KLF12: variants seen among roughly 807,000 people sequenced by gnomAD.
KLF12 encodes Krueppel-like factor 12.
KLF12 carries 9 observed loss-of-function variants against 37.8 expected under a neutral mutation model. That is an observed-to-expected ratio of 0.24 (90% CI 0.14 to 0.42). The LOEUF (loss-of-function observed/expected upper bound fraction) is 0.42, where lower values mean the gene tolerates loss of function less well. KLF12 is among the 10% of genes least tolerant of loss of function. The pLI is 1.00. For missense variants in KLF12, 411 were observed against 516.0 expected (o/e 0.80, Z 1.97); for synonymous variants, 208 against 202.1 (o/e 1.03, Z -0.25).
intron 2 of KLF12, among the ~76,000 whole-genome samples, chr13:73,988,290 T>C (rs745421796): frequency 3.9e-5 from 6 of 152,244 alleles, no homozygotes; most frequent in Admixed American, 6.5e-5. Flanking sequence ...CTAGCTCAAA[T>C]GTCACTTTAA....
intron 3 of KLF12, among the ~76,000 whole-genome samples, chr13:73,857,839 C>T (rs1251552427): frequency 6.6e-6 from 1 of 152,034 alleles, no homozygotes; most frequent in Non-Finnish European, 1.5e-5. Flanking sequence ...CAACAGTTTA[C>T]AAAGCATTAT....
chr13:74,224,344 A>C, the KLF12 span, among the ~76,000 whole-genome samples: 1 of 152,152 alleles, frequency 6.6e-6, no homozygotes, highest in African/African-American at 2.4e-5. Flanking sequence ...CAGATCCTCT[A>C]TTCTAGGATT....
chr13:73,936,799 T>C (rs1011401527), intron 3 of KLF12, among the ~76,000 whole-genome samples: 1 of 152,118 alleles, frequency 6.6e-6, no homozygotes, highest in Non-Finnish European at 1.5e-5. Flanking sequence ...TGAAAAAACA[T>C]CTCTTATTTC....
At position 73,694,810 on chromosome 13, in the gene KLF12, G is replaced by A. The variant is rs1242692722; in HGVS notation, c.*680C>T. The stretch of plus-strand genomic sequence containing the variant: ...TCTGCTCGAACAGATGAACAAAACA[G>A]AATCGAAACAAAACAAAAACAATCA... On this transcript the variant is annotated 3_prime_UTR_variant, in exon 8 of 8. Coordinates refer to ENST00000377669, the MANE Select transcript of KLF12 (RefSeq NM_007249.5). 1 of 152,724 alleles carries A rather than the reference G, an allele frequency of 6.5e-6. No individual in the cohort carries two copies. Among genetic ancestry groups the A allele is most frequent in the Non-Finnish European group, 1.5e-5 (1 of 68,140 alleles). 9.5% of individuals were successfully genotyped at this position (152,724 alleles called of 1,614,324 possible). A position where few individuals can be genotyped will look rare whatever the true frequency, so the allele number is the denominator to read the frequency against.
chr13:73,973,726 A>G (rs543070620), intron 2 of KLF12, among the ~76,000 whole-genome samples: 1 of 152,196 alleles, frequency 6.6e-6, no homozygotes, highest in African/African-American at 2.4e-5. Flanking sequence ...AAAAGGAAGT[A>G]AAGAAAGAAG....
chr13:73,982,714 C>A (rs1891718378), intron 2 of KLF12, among the ~76,000 whole-genome samples: 1 of 152,150 alleles, frequency 6.6e-6, no homozygotes. Flanking sequence ...AGCATTTTTA[C>A]CAAGATATCA....
chr13:74,088,416 C>G (rs775638086), intron 1 of KLF12, among the ~76,000 whole-genome samples: 1 of 151,940 alleles, frequency 6.6e-6, no homozygotes, highest in Non-Finnish European at 1.5e-5. Context: ...TTAGTAAAGA[C>G]GGCATTTCAC....
intron 1 of KLF12, among the ~76,000 whole-genome samples, chr13:74,062,208 C>T (rs1272507462): frequency 6.6e-6 from 1 of 152,162 alleles, no homozygotes; most frequent in African/African-American, 2.4e-5. Context: ...AAAAACGACT[C>T]ATCATGGAGC....
intron 4 of KLF12, among the ~76,000 whole-genome samples, chr13:73,826,091 T>C (rs1447478584): frequency 6.6e-6 from 1 of 151,822 alleles, no homozygotes; most frequent in Admixed American, 6.6e-5. Context: ...TCCTGCCTCA[T>C]CCTCCCGAGT....
intron 1 of KLF12, among the ~76,000 whole-genome samples, chr13:74,076,969 C>A (rs1874599220): frequency 6.6e-6 from 1 of 152,172 alleles, no homozygotes; most frequent in South Asian, 2.1e-4. Context: ...CCACAAAAGA[C>A]ATGATCTCAT....
chr13:74,120,425 A>T (rs1877561952), intron 1 of KLF12, among the ~76,000 whole-genome samples: 1 of 152,214 alleles, frequency 6.6e-6, no homozygotes, highest in African/African-American at 2.4e-5. Flanking sequence ...GGTTGCAGTG[A>T]GCTGAGGCTG....
At chr13:73,765,703 A>C (rs963019953) in intron 5 of KLF12, among the ~76,000 whole-genome samples, 2 of 152,164 alleles carry the variant, frequency 1.3e-5, no homozygotes, top group African/African-American at 4.8e-5. Flanking sequence ...TCTTCTAATC[A>C]AAGCCTAGCT....
chr13:74,305,142 T>G, the KLF12 span, among the ~76,000 whole-genome samples: 1 of 152,128 alleles, frequency 6.6e-6, no homozygotes, highest in Non-Finnish European at 1.5e-5. Flanking sequence ...TCTGGATAAT[T>G]GTTTTCTGTA....
intron 3 of KLF12, among the ~76,000 whole-genome samples, chr13:73,917,304 AC>A (rs576836362): frequency 1.3e-5 from 2 of 152,084 alleles, no homozygotes; most frequent in Non-Finnish European, 2.9e-5. Context: ...TCCTGGTACT[AC>A]CCCCTCTGCC....
chr13:74,078,299 C>A (rs1566201580), intron 1 of KLF12, among the ~76,000 whole-genome samples: 1 of 152,178 alleles, frequency 6.6e-6, no homozygotes, highest in Non-Finnish European at 1.5e-5. Flanking sequence ...TGAAGCTCTG[C>A]AAATTACTTG....
At chr13:74,228,830 G>A in the KLF12 span, among the ~76,000 whole-genome samples, 1 of 150,718 alleles carries the variant, frequency 6.6e-6, no homozygotes, top group African/African-American at 2.4e-5. Flanking sequence ...AAAAAGTAAA[G>A]ATTAAATGCT....
chr13:74,045,352 G>A (rs1893515405), intron 1 of KLF12, among the ~76,000 whole-genome samples: 2 of 152,098 alleles, frequency 1.3e-5, no homozygotes, highest in African/African-American at 4.8e-5. Flanking sequence ...TAACATGAGA[G>A]GGCATCAGAC....
chr13:74,069,888 G>T lies in KLF12; in HGVS notation c.-32+63851C>A, dbSNP rs80178431. Among the ~76,000 whole-genome samples, 919 of 152,140 alleles carry T rather than the reference G, an allele frequency of 6.0e-3. 11 individuals carry two copies. The highest frequency in any genetic ancestry group is 0.021 in the African/African-American group (866 of 41,484). Reference sequence around the variant, plus strand: ...TTCATTAATAAAAATAGGAAATGAAGGCATTTTAAAGCAACAGATAAAGAA... The same window carrying T: ...TTCATTAATAAAAATAGGAAATGAATGCATTTTAAAGCAACAGATAAAGAA... On this transcript the variant is annotated intron_variant, in intron 1 of 7. Coordinates refer to ENST00000377669, the MANE Select transcript of KLF12 (RefSeq NM_007249.5).
intron 1 of KLF12, among the ~76,000 whole-genome samples, chr13:74,065,781 C>T (rs1267805046): frequency 6.6e-6 from 1 of 151,966 alleles, no homozygotes; most frequent in Admixed American, 6.6e-5. Flanking sequence ...GAACATCCTC[C>T]CCTCTCCTCA....
Sources: gnomAD v4.1 joint callset for allele counts (sites outside exome capture counted in the v4.1 genomes callset) on GRCh38, gnomAD v4.1.1 for gene constraint, MANE v1.5 for transcripts, NCBI Gene and HGNC (gene_info 2026-07-23, HGNC 2026-07-21) for gene names.